The following PRKN variants were observed in gnomAD, a reference collection of about 807,000 sequenced individuals.
PRKN encodes parkin RBR E3 ubiquitin protein ligase, also known as E3 ubiquitin-protein ligase parkin.
PRKN carries 56 observed loss-of-function variants against 59.5 expected under a neutral mutation model. The ratio of observed to expected loss-of-function variants is 0.94; its 90% confidence interval spans 0.76 to 1.18. The LOEUF is 1.18. Among genes scored for constraint, PRKN ranks in the 50% most tolerant of loss-of-function variants. The pLI is 0.00. For missense variants in PRKN, 657 were observed against 596.4 expected (o/e 1.10, Z -1.06); for synonymous variants, 250 against 222.1 (o/e 1.13, Z -1.12).
At chr6:161,516,691 G>A (rs1778613909) in intron 9 of PRKN, among the ~76,000 whole-genome samples, 1 of 150,724 alleles carries the variant, frequency 6.6e-6, no homozygotes, top group Non-Finnish European at 1.5e-5. Flanking sequence ...GCCAGGCATG[G>A]TGTCGCATGC....
chr6:161,685,368 C>A (rs1391483869), intron 7 of PRKN, among the ~76,000 whole-genome samples: 2 of 152,196 alleles, frequency 1.3e-5, no homozygotes, highest in African/African-American at 4.8e-5. Flanking sequence ...ACAGGATGCA[C>A]TGCTCCTGCT....
intron 4 of PRKN, among the ~76,000 whole-genome samples, chr6:162,161,525 T>C (rs1200804736): frequency 6.6e-6 from 1 of 152,214 alleles, no homozygotes; most frequent in African/African-American, 2.4e-5. Context: ...AGTAGCATGA[T>C]GAAATCTCAC....
intron 4 of PRKN, among the ~76,000 whole-genome samples, chr6:162,161,497 G>A (rs940933245): frequency 7.9e-5 from 12 of 152,314 alleles, no homozygotes; most frequent in Admixed American, 2.0e-4. Flanking sequence ...CATAAGTTTG[G>A]AAGTGTGCAG....
chr6:161,924,918 C>T (rs1015477646), intron 6 of PRKN, among the ~76,000 whole-genome samples: 10 of 152,308 alleles, frequency 6.6e-5, no homozygotes, highest in African/African-American at 2.4e-4. Flanking sequence ...GAGAGAGTCC[C>T]TCCACAAACA....
At chr6:161,624,833 C>G (rs1699442448) in intron 7 of PRKN, among the ~76,000 whole-genome samples, 1 of 152,174 alleles carries the variant, frequency 6.6e-6, no homozygotes, top group Non-Finnish European at 1.5e-5. Context: ...AAACATTTTC[C>G]TGAATTACTT....
At chr6:162,340,791 G>C (rs776140155) in intron 2 of PRKN, among the ~76,000 whole-genome samples, 5 of 151,786 alleles carry the variant, frequency 3.3e-5, no homozygotes, top group Non-Finnish European at 5.9e-5. Flanking sequence ...AGACCTAAAC[G>C]TTAAGACCTA....
At chr6:162,324,111 T>C (rs1783161620) in intron 2 of PRKN, among the ~76,000 whole-genome samples, 1 of 152,098 alleles carries the variant, frequency 6.6e-6, no homozygotes, top group Non-Finnish European at 1.5e-5. Flanking sequence ...ATCATTTGTT[T>C]TTATCACATT....
intron 2 of PRKN, among the ~76,000 whole-genome samples, chr6:162,307,759 A>T (rs1167166715): frequency 6.6e-6 from 1 of 152,210 alleles, no homozygotes; most frequent in Non-Finnish European, 1.5e-5. Flanking sequence ...ATAAACTCAG[A>T]TGTGAACAAC....
intron 7 of PRKN, among the ~76,000 whole-genome samples, chr6:161,675,503 A>AT (rs1420434136): frequency 2.0e-5 from 3 of 152,228 alleles, no homozygotes; most frequent in Admixed American, 2.0e-4. Flanking sequence ...ACTCTGTCTG[A>AT]TAAAAACGCA....
intron 6 of PRKN, among the ~76,000 whole-genome samples, chr6:161,822,695 T>A (rs1174876176): frequency 3.3e-5 from 5 of 152,114 alleles, no homozygotes; most frequent in Admixed American, 3.3e-4. Context: ...ACAAATGTTT[T>A]GGATGTTACA....
rs963216189 is a variant in PRKN at position 161,548,009 on chromosome 6, G to A, written c.1083+845C>T. ...CAGTGCTCAGCCCCAAATCAAGACT[G>A]GCTAATACAACTCTGCTATCTGTGC... On this transcript the variant is annotated intron_variant, in intron 9 of 11. Coordinates refer to ENST00000366898, the MANE Select transcript of PRKN (RefSeq NM_004562.3). This position sits in a 1 kb window ranked among gnomAD's most constrained non-coding sequence, Gnocchi z 4.2. 2.0e-5 allele frequency among the ~76,000 whole-genome samples: 3 copies of A among 152,166 alleles called. No homozygotes were observed. Among genetic ancestry groups the A allele is most frequent in the East Asian group, 1.9e-4 (1 of 5,200 alleles).
At chr6:162,646,987 T>G (rs139071824) in intron 1 of PRKN, among the ~76,000 whole-genome samples, 1 of 152,270 alleles carries the variant, frequency 6.6e-6, no homozygotes, top group African/African-American at 2.4e-5. Context: ...AAATGGCTCA[T>G]AAGTCCACAG....
intron 1 of PRKN, among the ~76,000 whole-genome samples, chr6:162,531,132 C>T (rs545197054): frequency 2.7e-5 from 4 of 150,866 alleles, no homozygotes; most frequent in Admixed American, 2.6e-4. Context: ...TTTGGGAAAC[C>T]GAGGTGGGTG....
At chr6:162,023,879 C>T (rs867197597) in intron 5 of PRKN, among the ~76,000 whole-genome samples, 1 of 152,126 alleles carries the variant, frequency 6.6e-6, no homozygotes, top group Admixed American at 6.6e-5. Context: ...TAGCATCATG[C>T]TGTTTTGGTT....
At chr6:161,847,298 C>A (rs1793240145) in intron 6 of PRKN, among the ~76,000 whole-genome samples, 1 of 151,508 alleles carries the variant, frequency 6.6e-6, no homozygotes, top group South Asian at 2.1e-4. Context: ...CAGAGCAAGA[C>A]TCTGTCTAAA....
At chr6:162,141,278 T>A (rs1174333262) in intron 4 of PRKN, among the ~76,000 whole-genome samples, 1 of 152,168 alleles carries the variant, frequency 6.6e-6, no homozygotes, top group East Asian at 1.9e-4. Context: ...AAAAGTAAGT[T>A]TTCTGGGTTT....
rs750946937 is a variant in PRKN, at chr6:161,905,928, TAAAAAA to T, written c.734+67368_734+67373del. On this transcript the variant is annotated intron_variant, in intron 6 of 11. Transcript: ENST00000366898. Reference sequence around the variant, plus strand: ...TAAGCCAAGATCACACCACTGCATCTAAAAAAAAAAAAAAAAAAAAGGACATTTTCA... The same window carrying T: ...TAAGCCAAGATCACACCACTGCATCTAAAAAAAAAAAAAAGGACATTTTCA... 1.9e-4 allele frequency among the ~76,000 whole-genome samples: 20 copies of T among 105,018 alleles called. No individual in the cohort carries two copies. In the South Asian group the frequency reaches 5.1e-3, roughly 27 times the overall value. The allele number at this position is 105,018 out of a possible 152,430, so 68.9% of individuals were successfully genotyped here. A position where few individuals can be genotyped will look rare whatever the true frequency, so the allele number is the denominator to read the frequency against.
At chr6:161,728,707 G>A (rs931686380) in intron 7 of PRKN, among the ~76,000 whole-genome samples, 6 of 152,114 alleles carry the variant, frequency 3.9e-5, no homozygotes, top group African/African-American at 1.2e-4. Flanking sequence ...CCTCAGGAGC[G>A]AGGGGTGAGG....
intron 6 of PRKN, among the ~76,000 whole-genome samples, chr6:161,798,950 C>T (rs1790966878): frequency 1.3e-5 from 2 of 152,142 alleles, no homozygotes; most frequent in South Asian, 4.1e-4. Flanking sequence ...ATCACAGGTC[C>T]CCGGGGTACT....
Sources: allele counts gnomAD v4.1 joint callset (sites outside exome capture counted in the v4.1 genomes callset), GRCh38; gene constraint gnomAD v4.1.1; non-coding constraint Gnocchi (gnomAD v3.1); transcripts MANE v1.5; gene names NCBI Gene and HGNC (gene_info 2026-07-23, HGNC 2026-07-21).